TMEM232: variants seen among roughly 807,000 people sequenced by gnomAD.
The protein encoded by TMEM232 is transmembrane protein 232.
In TMEM232, 80 loss-of-function variants were observed where a neutral mutation model predicts 78.8. That is an observed-to-expected ratio of 1.01 (90% CI 0.85 to 1.22). The LOEUF is 1.22. TMEM232 is among the 50% of genes most tolerant of loss of function. TMEM232 has a pLI of 0.00. For missense variants in TMEM232, 881 were observed against 742.2 expected (o/e 1.19, Z -2.17); for synonymous variants, 297 against 254.3 (o/e 1.17, Z -1.60).
intron 12 of TMEM232, among the ~76,000 whole-genome samples, chr5:110,425,492 G>A (rs573040701): frequency 6.6e-6 from 1 of 152,054 alleles, no homozygotes; most frequent in African/African-American, 2.4e-5. Flanking sequence ...AAAGGAGAAA[G>A]TCTTAGGGAA....
intron 5 of TMEM232, among the ~76,000 whole-genome samples, chr5:110,634,574 AAAC>A (rs1785554667): frequency 6.6e-6 from 1 of 152,132 alleles, no homozygotes; most frequent in East Asian, 1.9e-4. Context: ...CATGGAAATT[AAAC>A]AACATGTTTC....
chr5:110,602,040 T>A (rs1780975749), intron 10 of TMEM232, among the ~76,000 whole-genome samples: 1 of 152,026 alleles, frequency 6.6e-6, no homozygotes, highest in Non-Finnish European at 1.5e-5. Flanking sequence ...AAACAAGCAA[T>A]GGGGAAAGGA....
At chr5:110,449,277 C>T (rs1448063111) in intron 12 of TMEM232, among the ~76,000 whole-genome samples, 1 of 151,702 alleles carries the variant, frequency 6.6e-6, no homozygotes, top group African/African-American at 2.4e-5. Context: ...GGAAATATGC[C>T]AAATTAACAA....
At chr5:110,524,177 T>C (rs6887902) in intron 12 of TMEM232, among the ~76,000 whole-genome samples, 11,175 of 148,484 alleles carry the variant, frequency 0.075, 824 homozygotes, top group African/African-American at 0.2. Context: ...GCATAAGAAT[T>C]GCTTGAACCA....
intron 1 of TMEM232, among the ~76,000 whole-genome samples, chr5:110,685,297 G>T (rs1272738834): frequency 1.3e-5 from 2 of 151,894 alleles, no homozygotes; most frequent in African/African-American, 4.8e-5. Context: ...ATTACAAATG[G>T]GAAAAATAAC....
intron 12 of TMEM232, among the ~76,000 whole-genome samples, chr5:110,469,831 T>C (rs998895293): frequency 1.3e-5 from 2 of 152,030 alleles, no homozygotes; most frequent in Admixed American, 1.3e-4. Flanking sequence ...GGGGAAAAAA[T>C]GTAGTGGCTG....
chr5:110,570,933 C>T (rs1372020179), intron 10 of TMEM232, among the ~76,000 whole-genome samples: 4 of 152,104 alleles, frequency 2.6e-5, no homozygotes, highest in Middle Eastern at 3.4e-3. Context: ...CTTGCTAATA[C>T]ACTACAAACA....
chr5:110,403,370 G>T (rs11241068), intron 2 of TMEM232, among the ~76,000 whole-genome samples: 10,409 of 152,034 alleles, frequency 0.068, 454 homozygotes, highest in Middle Eastern at 0.095. Context: ...ATCCATTGTG[G>T]TGCCTCAGGA....
chr5:110,678,349 G>A (rs1792299307), intron 1 of TMEM232, among the ~76,000 whole-genome samples: 1 of 152,138 alleles, frequency 6.6e-6, no homozygotes, highest in Non-Finnish European at 1.5e-5. Context: ...ACAGGTGTGA[G>A]CCACCATGCC....
intron 1 of TMEM232, among the ~76,000 whole-genome samples, chr5:110,706,259 A>C (rs750547497): frequency 6.6e-6 from 1 of 152,132 alleles, no homozygotes. Context: ...AAAAAGGAAA[A>C]ATTTATCTGA....
intron 2 of TMEM232, among the ~76,000 whole-genome samples, chr5:110,648,277 T>C (rs979750153): frequency 5.3e-5 from 8 of 152,176 alleles, no homozygotes; most frequent in East Asian, 1.9e-4. Flanking sequence ...TATGGAGTAA[T>C]AGAAATTCTC....
chr5:110,427,537 G>A (rs1412973044), intron 12 of TMEM232, among the ~76,000 whole-genome samples: 2 of 151,738 alleles, frequency 1.3e-5, no homozygotes, highest in African/African-American at 4.9e-5. Flanking sequence ...TGGTATACTA[G>A]TTTCCGAGGG....
intron 1 of TMEM232, among the ~76,000 whole-genome samples, chr5:110,700,743 T>C (rs887161500): frequency 1.3e-5 from 2 of 150,742 alleles, no homozygotes; most frequent in African/African-American, 2.4e-5. Context: ...GATAGATAAA[T>C]AGGTAGATAG....
At chr5:110,641,089 T>C in intron 3 of TMEM232, 93 bp from the exon 4 acceptor site, 7 of 783,054 alleles carry the variant, frequency 8.9e-6, no homozygotes, top group Non-Finnish European at 1.3e-5. Flanking sequence ...CCAAAAGTCA[T>C]TCTATGAAGC....
intron 12 of TMEM232, among the ~76,000 whole-genome samples, chr5:110,467,544 T>C (rs1232960688): frequency 1.3e-5 from 2 of 152,190 alleles, no homozygotes; most frequent in Non-Finnish European, 2.9e-5. Context: ...TTCAAAACTA[T>C]GAAAGCCATC....
intron 3 of TMEM232, among the ~76,000 whole-genome samples, chr5:110,393,510 G>A (rs754396684): frequency 5.9e-5 from 9 of 151,576 alleles, no homozygotes; most frequent in Non-Finnish European, 1.2e-4. Context: ...TTTATTTTTA[G>A]CCTATGTTTT....
rs76362993 is a variant in TMEM232, at chr5:110,518,274, T to C, written c.1703+10314A>G. Among the ~76,000 whole-genome samples the C allele has an allele frequency of 5.6e-3, 852 of 152,244 alleles. 4 individuals carry two copies. Among genetic ancestry groups the C allele is most frequent in the African/African-American group, 0.019 (800 of 41,542 alleles). ...TGCTTTTGTTAACATTGATTTTTTT[T>C]CTATTTTTCCAGTTTATTTTTTGCT... On this transcript the variant is annotated intron_variant, in intron 12 of 13. Coordinates refer to ENST00000455884, the MANE Select transcript of TMEM232 (RefSeq NM_001039763.4).
chr5:110,681,583 C>T (rs1274257069), intron 1 of TMEM232, among the ~76,000 whole-genome samples: 5 of 151,710 alleles, frequency 3.3e-5, no homozygotes, highest in South Asian at 2.1e-4. Context: ...TATCTTCATC[C>T]GAAAAAAGGG....
intron 12 of TMEM232, among the ~76,000 whole-genome samples, chr5:110,437,620 A>G (rs1312215382): frequency 3.3e-5 from 5 of 152,028 alleles, no homozygotes; most frequent in South Asian, 2.1e-4. Context: ...CATATTATAT[A>G]CTTCATATAT....
Sources: allele counts gnomAD v4.1 joint callset (sites outside exome capture counted in the v4.1 genomes callset), GRCh38; gene constraint gnomAD v4.1.1; transcripts MANE v1.5; gene names NCBI Gene and HGNC (gene_info 2026-07-23, HGNC 2026-07-21).